The following MYL5 variants were observed in gnomAD, a reference collection of about 807,000 sequenced individuals.
MYL5 encodes myosin regulatory light chain 5.
In MYL5, 28 loss-of-function variants were observed where a neutral mutation model predicts 20.8. The observed-to-expected ratio is 1.35, with a 90% confidence interval of 1.00 to 1.84. The LOEUF is 1.84. Among genes scored for constraint, MYL5 ranks in the 40% most tolerant of loss-of-function variants. MYL5 has a pLI of 0.00. For synonymous variants in MYL5, 118 were observed against 87.4 expected (o/e 1.35, Z -1.95); for missense variants, 274 against 227.3 (o/e 1.21, Z -1.32).
intron 3 of MYL5, among the ~76,000 whole-genome samples, 179 bp from the exon 6 acceptor site, chr4:679,735 G>T (rs1187263138): frequency 6.6e-6 from 1 of 152,200 alleles, no homozygotes; most frequent in African/African-American, 2.4e-5. Context: ...ACGGTTTGGG[G>T]TGAGGTGGAC....
intron 6 of MYL5, 109 bp downstream of exon 8, chr4:681,249 C>A: frequency 7.3e-7 from 1 of 1,366,262 alleles, no homozygotes; most frequent in Non-Finnish European, 1.0e-6. Context: ...CGGTTAGGAC[C>A]CAGGACAGAA....
At chr4:681,587 TGCAGCCGCCGCCGCCCC>T (rs1739556673) in intron 6 of MYL5, among the ~76,000 whole-genome samples, 1 of 133,642 alleles carries the variant, frequency 7.5e-6, no homozygotes, top group Non-Finnish European at 1.6e-5. Flanking sequence ...AGACTGTGGC[TGCAGCCGCCGCCGCCCC>T]GCCCCCTCCA....
chr4:676,474 C>T (rs116594734), upstream of MYL5: 4,471 of 152,312 alleles, frequency 0.029, 72 homozygotes, highest in Middle Eastern at 0.051. Flanking sequence ...AGTGGTGGGA[C>T]GGGTCCCACC....
intron 1 of MYL5, 154 bp downstream of exon 3, chr4:678,183 CGTGT>C: frequency 7.8e-6 from 12 of 1,533,458 alleles, no homozygotes; most frequent in Middle Eastern, 2.3e-4. Flanking sequence ...TGTGCATGAG[CGTGT>C]GTATGTGCGT....
At chr4:679,111 C>A in intron 3 of MYL5, 78 bp downstream of exon 5, 1 of 1,394,064 alleles carries the variant, frequency 7.2e-7, no homozygotes, top group Non-Finnish European at 1.0e-6. Flanking sequence ...ACGCCGCGGC[C>A]CCTCCTCGAA....
At chr4:677,945 T>C in exon 1 of MYL5, 1 of 1,611,714 alleles carries the variant, frequency 6.2e-7, no homozygotes. Flanking sequence ...GAGTCTGAAC[T>C]GTCCTGGGGG....
chr4:681,959 TACGTGATCACCC>T, exon 7 of MYL5: 1 of 1,370,110 alleles, frequency 7.3e-7, no homozygotes, highest in Non-Finnish European at 9.5e-7. Context: ...GGCGCTCAGC[TACGTGATCACCC>T]ACGGGGAGGA....
chr4:681,925 T>C (rs1283237743), exon 7 of MYL5: 4 of 1,320,332 alleles, frequency 3.0e-6, no homozygotes, highest in Non-Finnish European at 3.9e-6. Context: ...CCTCCATCGA[T>C]GTGGCGGGCA....
upstream of MYL5, chr4:676,253 ACTC>A (rs879721394): frequency 1.3e-5 from 2 of 152,192 alleles, no homozygotes; most frequent in Non-Finnish European, 2.9e-5. Flanking sequence ...AATAATCCAG[ACTC>A]CTCAGCAACT....
chr4:678,322 G>A, intron 1 of MYL5: 2 of 1,425,010 alleles, frequency 1.4e-6, no homozygotes, highest in Non-Finnish European at 1.8e-6. Context: ...CCGGTACCCA[G>A]AACAAGCCCA....
intron 6 of MYL5, 74 bp downstream of exon 8, chr4:681,214 A>T (rs1443465877): frequency 5.2e-6 from 8 of 1,529,686 alleles, no homozygotes; most frequent in Non-Finnish European, 7.1e-6. Flanking sequence ...GTGGAGGGGG[A>T]CGCGGAGCCC....
At chr4:677,076 T>C (rs2109321021), upstream of MYL5, among the ~76,000 whole-genome samples, 1 of 152,272 alleles carries the variant, frequency 6.6e-6, no homozygotes, top group South Asian at 2.1e-4. Context: ...TGGCTGCATA[T>C]AGTCACTCCC....
chr4:679,621 T>A (rs1160180623), intron 3 of MYL5, among the ~76,000 whole-genome samples: 1 of 152,190 alleles, frequency 6.6e-6, no homozygotes, highest in African/African-American at 2.4e-5. Context: ...GTGACCCACC[T>A]TCCTCTCGGC....
At chr4:681,046 C>G (rs1739428432) in intron 5 of MYL5, 46 bp from the exon 8 acceptor site, 1 of 1,562,418 alleles carries the variant, frequency 6.4e-7, no homozygotes, top group East Asian at 2.3e-5. Context: ...GAGAAGGCTC[C>G]TGCACCCCCG....
exon 4 of MYL5, chr4:679,978 C>T: frequency 6.2e-7 from 1 of 1,613,602 alleles, no homozygotes. Flanking sequence ...GGCCCATCAA[C>T]TTCACCATGT....
At chr4:679,176 G>C in intron 3 of MYL5, 143 bp downstream of exon 5, 1 of 837,762 alleles carries the variant, frequency 1.2e-6, no homozygotes, top group Non-Finnish European at 2.0e-6. Flanking sequence ...GCTGCAAGGT[G>C]ATGGCCCTGG....
chr4:681,760 G>A lies in MYL5; in HGVS notation c.421-133G>A, dbSNP rs185374308. 666 of 1,103,260 alleles carry A rather than the reference G, an allele frequency of 6.0e-4. 8 individuals carry two copies. The African/African-American group carries it at 0.011, about 18-fold the overall frequency. 68.3% of individuals were successfully genotyped at this position (1,103,260 alleles called of 1,614,324 possible). On this transcript the variant is annotated intron_variant, in intron 6 of 6. Transcript: ENST00000400159. ...GCGCCGCCCCGCCCCCTCCAGCGCC[G>A]CCCTCACCCCGCACCCGGGCCCCTC...
At chr4:681,205 TGGAGGGGGAC>T (rs1739454833) in intron 6 of MYL5, 65 bp downstream of exon 8, 4 of 1,551,128 alleles carry the variant, frequency 2.6e-6, no homozygotes, top group Admixed American at 1.9e-5. Flanking sequence ...GTCAGCTGGG[TGGAGGGGGAC>T]GCGGAGCCCG....
At chr4:680,014 G>A (rs372141639) in exon 4 of MYL5, 189 of 1,611,668 alleles carry the variant, frequency 1.2e-4, no homozygotes, top group Non-Finnish European at 1.5e-4. Flanking sequence ...GGGAGAAGCT[G>A]AGCGGTGAGC....
Sources: gnomAD v4.1 joint callset for allele counts (sites outside exome capture counted in the v4.1 genomes callset) on GRCh38, gnomAD v4.1.1 for gene constraint, MANE v1.5 for transcripts, NCBI Gene and HGNC (gene_info 2026-07-23, HGNC 2026-07-21) for gene names.